ANTXR2: variants seen among roughly 807,000 people sequenced by gnomAD.
The protein encoded by ANTXR2 is ANTXR cell adhesion molecule 2.
ANTXR2 carries 44 observed loss-of-function variants against 73.7 expected under a neutral mutation model. The ratio of observed to expected loss-of-function variants is 0.60; its 90% confidence interval spans 0.47 to 0.77. ANTXR2 has a LOEUF of 0.77. ANTXR2 is among the 30% of genes least tolerant of loss of function. The probability of loss-of-function intolerance (pLI) is 0.00; values close to 1 mark genes in which losing one functional copy is unlikely to be tolerated. For synonymous variants in ANTXR2, 217 were observed against 205.9 expected (o/e 1.05, Z -0.46); for missense variants, 604 against 592.5 (o/e 1.02, Z -0.20).
At chr4:79,979,590 C>T (rs977312905) in intron 14 of ANTXR2, among the ~76,000 whole-genome samples, 1 of 152,042 alleles carries the variant, frequency 6.6e-6, no homozygotes, top group South Asian at 2.1e-4. Flanking sequence ...CCTGTTGAGT[C>T]ATTAAAATGT....
intron 16 of ANTXR2, among the ~76,000 whole-genome samples, chr4:79,951,618 A>C (rs1420190612): frequency 6.6e-6 from 1 of 151,980 alleles, no homozygotes; most frequent in East Asian, 1.9e-4. Context: ...CAAAAAGAAC[A>C]ACCAAACGGG....
At chr4:79,921,465 A>G (rs905928797) in intron 16 of ANTXR2, among the ~76,000 whole-genome samples, 1 of 152,066 alleles carries the variant, frequency 6.6e-6, no homozygotes, top group Non-Finnish European at 1.5e-5. Context: ...AGCTGTCTCT[A>G]CTTAAAAATG....
At chr4:80,020,670 G>A (rs1449103807) in intron 10 of ANTXR2, among the ~76,000 whole-genome samples, 1 of 152,136 alleles carries the variant, frequency 6.6e-6, no homozygotes, top group Non-Finnish European at 1.5e-5. Flanking sequence ...ATATCAGAGA[G>A]GCTTGATTAA....
At chr4:79,989,553 A>G (rs902742696) in intron 12 of ANTXR2, among the ~76,000 whole-genome samples, 1 of 152,144 alleles carries the variant, frequency 6.6e-6, no homozygotes, top group African/African-American at 2.4e-5. Context: ...TACCAGACAT[A>G]TAGAGAAGAC....
At chr4:79,937,877 C>CGCG in intron 16 of ANTXR2, among the ~76,000 whole-genome samples, 1 of 142,656 alleles carries the variant, frequency 7.0e-6, no homozygotes, top group African/African-American at 2.6e-5. Flanking sequence ...GCGCACCGTG[C>CGCG]ACGAGCCGAA....
chr4:79,990,769 C>A (rs1257440291), intron 12 of ANTXR2, among the ~76,000 whole-genome samples: 1 of 151,842 alleles, frequency 6.6e-6, no homozygotes, highest in African/African-American at 2.4e-5. Flanking sequence ...CAGCATGGTA[C>A]TGCTGGAAAA....
intron 11 of ANTXR2, among the ~76,000 whole-genome samples, chr4:80,009,495 G>A (rs577403917): frequency 6.6e-5 from 10 of 152,082 alleles, no homozygotes; most frequent in Non-Finnish European, 1.3e-4. Flanking sequence ...GTGAGCTCTA[G>A]GAAGTCAGGG....
chr4:80,071,760 C>T, intron 1 of ANTXR2, 106 bp from the exon 2 acceptor site: 1 of 890,502 alleles, frequency 1.1e-6, no homozygotes, highest in Admixed American at 2.2e-5. Context: ...GGCACCTGGC[C>T]TCTTTTTCAA....
chr4:79,963,764 A>T (rs999198770), intron 16 of ANTXR2, among the ~76,000 whole-genome samples: 8 of 152,176 alleles, frequency 5.3e-5, no homozygotes, highest in African/African-American at 1.9e-4. Context: ...CAATTCTATT[A>T]TGTCATATTT....
At chr4:80,041,735 T>C (rs1733261510) in intron 7 of ANTXR2, among the ~76,000 whole-genome samples, 1 of 152,130 alleles carries the variant, frequency 6.6e-6, no homozygotes, top group African/African-American at 2.4e-5. Context: ...TTTATGTTCC[T>C]GCATTAGTTC....
chr4:79,925,801 T>C (rs185332563), intron 16 of ANTXR2, among the ~76,000 whole-genome samples: 221 of 152,264 alleles, frequency 1.5e-3, no homozygotes, highest in Admixed American at 5.9e-3. Context: ...TTAATTGCAT[T>C]ATCACAGAGG....
chr4:80,061,670 AATTCACTTAG>A lies in ANTXR2; in HGVS notation c.297-5667_297-5658del, dbSNP rs1734267745. 4.2e-5 allele frequency among the ~76,000 whole-genome samples: 5 copies of A among 117,914 alleles called. 1 individual carries two copies. The South Asian group carries it at 2.8e-3, about 65-fold the overall frequency. The allele number at this position is 117,914 out of a possible 152,430, so 77.4% of individuals were successfully genotyped here. ...CTATACAAAATTGCTAATGATTTAT[AATTCACTTAG>A]AATTCACTTAGAATTGTACTTTACC... On this transcript the variant is annotated intron_variant, in intron 3 of 16. Transcript: ENST00000403729.
At position 80,072,616 on chromosome 4, in the gene ANTXR2, G is replaced by T; in HGVS notation, c.-56C>A. 2 of 1,394,926 alleles carry T rather than the reference G, an allele frequency of 1.4e-6. No homozygotes were observed. Among genetic ancestry groups the T allele is most frequent in the Non-Finnish European group, 1.9e-6 (2 of 1,074,670 alleles). The allele number at this position is 1,394,926 out of a possible 1,614,324, so 86.4% of individuals were successfully genotyped here. A position where few individuals can be genotyped will look rare whatever the true frequency, so the allele number is the denominator to read the frequency against. ...GCTCGCAGTCCCCTAAGCTCAGGAG[G>T]GTCGCAAAGGTGGCGGGAGTCACCC... On this transcript the variant is annotated 5_prime_UTR_variant, in exon 1 of 17. Coordinates refer to ENST00000403729, the MANE Select transcript of ANTXR2 (RefSeq NM_058172.6).
At chr4:80,069,288 T>C (rs928457569) in intron 3 of ANTXR2, 148 bp downstream of exon 3, 28 of 691,570 alleles carry the variant, frequency 4.0e-5, no homozygotes, top group African/African-American at 1.1e-4. Context: ...ATATTACTCA[T>C]ACCTCCTTTC....
At chr4:80,014,464 G>A (rs1731744494) in intron 11 of ANTXR2, among the ~76,000 whole-genome samples, 1 of 152,020 alleles carries the variant, frequency 6.6e-6, no homozygotes, top group South Asian at 2.1e-4. Flanking sequence ...TACTTGGGAA[G>A]CTGAGGCATG....
rs144797903 is a variant in ANTXR2 at position 79,951,288 on chromosome 4, A to C, written c.1428+26333T>G. Among the ~76,000 whole-genome samples the C allele has an allele frequency of 4.1e-4, 62 of 152,258 alleles. No individual in the cohort carries two copies. In the East Asian group the frequency reaches 0.011, roughly 27 times the overall value. ...TAATATACTACATTCTCCAGAACTGAACAGGACTCTGCTGGGCGTGGTGGC... is the reference window on the plus strand; with the variant it reads ...TAATATACTACATTCTCCAGAACTGCACAGGACTCTGCTGGGCGTGGTGGC... On this transcript the variant is annotated intron_variant, in intron 16 of 16. Transcript: ENST00000403729.
intron 11 of ANTXR2, among the ~76,000 whole-genome samples, chr4:80,009,857 A>G (rs369679262): frequency 8.3e-4 from 126 of 151,298 alleles, no homozygotes; most frequent in East Asian, 3.5e-3. Context: ...AAAAAAAAAA[A>G]AAAGAAAGAA....
intron 10 of ANTXR2, among the ~76,000 whole-genome samples, chr4:80,026,107 C>A (rs1732424149): frequency 6.6e-6 from 1 of 152,116 alleles, no homozygotes; most frequent in Non-Finnish European, 1.5e-5. Flanking sequence ...TATGGTTTTG[C>A]TGTGTGTCTC....
At chr4:79,954,567 T>C (rs1044023308) in intron 16 of ANTXR2, among the ~76,000 whole-genome samples, 1 of 152,068 alleles carries the variant, frequency 6.6e-6, no homozygotes, top group Non-Finnish European at 1.5e-5. Context: ...CCTTGTGCAA[T>C]GTGCCACTGG....
Sources: allele counts gnomAD v4.1 joint callset (sites outside exome capture counted in the v4.1 genomes callset), GRCh38; gene constraint gnomAD v4.1.1; transcripts MANE v1.5; gene names NCBI Gene and HGNC (gene_info 2026-07-23, HGNC 2026-07-21).